Variants in ERG observed in about 807,000 individuals in gnomAD.
ERG encodes ETS transcription factor ERG.
ERG carries 9 observed loss-of-function variants against 55.3 expected under a neutral mutation model. The ratio of observed to expected loss-of-function variants is 0.16; its 90% CI spans 0.10 to 0.28. ERG has a LOEUF of 0.28. Ranked by LOEUF, ERG falls within the 10% of genes least tolerant of loss-of-function variation. The pLI is 1.00. For missense variants in ERG, 434 were observed against 631.6 expected (o/e 0.69, Z 3.35); for synonymous variants, 223 against 237.3 (o/e 0.94, Z 0.55).
upstream of ERG, chr21:38,502,434 C>T (rs969448538): frequency 3.2e-5 from 5 of 156,596 alleles, no homozygotes; most frequent in African/African-American, 4.8e-5. Flanking sequence ...CTAACCTTCC[C>T]GAGTTGAAAA....
intron 1 of ERG, among the ~76,000 whole-genome samples, chr21:38,490,218 A>G (rs1211984853): frequency 1.3e-5 from 2 of 152,258 alleles, no homozygotes; most frequent in African/African-American, 4.8e-5. Flanking sequence ...GCTAATTGAA[A>G]ACAAAATTCA....
intron 1 of ERG, among the ~76,000 whole-genome samples, chr21:38,652,663 G>A (rs1042967340): frequency 3.9e-5 from 6 of 152,154 alleles, no homozygotes; most frequent in African/African-American, 1.4e-4. Flanking sequence ...GGCTAAAAAT[G>A]AAATCCTCCA....
At chr21:38,445,323 G>T in intron 2 of ERG, 81 bp downstream of exon 2, 2 of 1,089,184 alleles carry the variant, frequency 1.8e-6, no homozygotes, top group Non-Finnish European at 2.7e-6. Flanking sequence ...CTTTAGAGAA[G>T]CATGACTGAC....
the ERG span, among the ~76,000 whole-genome samples, chr21:38,369,827 T>C: frequency 6.6e-6 from 1 of 152,220 alleles, no homozygotes; most frequent in East Asian, 1.9e-4. Context: ...AGTTTCAATA[T>C]TCTGCATATG....
In ERG at chr21:38,607,753, TAA is replaced by T. The variant is rs1475891214; in HGVS notation, c.-149-22810_-149-22809del. Among the ~76,000 whole-genome samples, 3 of 152,178 alleles carry T rather than the reference TAA, an allele frequency of 2.0e-5. No individual in the cohort carries two copies. The East Asian group carries it at 5.8e-4, about 29-fold the overall frequency. Reference sequence around the variant, plus strand: ...AAATCAAGATAAGCATTGATACAATTAAAGAGATAATAGTAATGATTAACTTT... The same window carrying T: ...AAATCAAGATAAGCATTGATACAATTAGAGATAATAGTAATGATTAACTTT... On this transcript the variant is annotated intron_variant, in intron 1 of 10. Coordinates refer to the ERG transcript ENST00000398910.
intron 1 of ERG, among the ~76,000 whole-genome samples, chr21:38,448,499 T>C (rs1372793389): frequency 6.6e-6 from 1 of 152,156 alleles, no homozygotes; most frequent in African/African-American, 2.4e-5. Flanking sequence ...CCCCAAAGAC[T>C]TTGTTGATTG....
intron 1 of ERG, among the ~76,000 whole-genome samples, chr21:38,454,302 T>C (rs1045247851): frequency 6.6e-6 from 1 of 152,178 alleles, no homozygotes; most frequent in Non-Finnish European, 1.5e-5. Flanking sequence ...GATCTGAAGA[T>C]GGAAGATGTG....
In ERG at chr21:38,573,260, G is replaced by A. The variant is rs575461615; in HGVS notation, c.-41+2402C>T. Reference sequence around the variant, plus strand: ...ATGTGATAGTCTGAAATATGGCCTCGTGGGATGAGAAAGACCTGACTGTCC... The same window carrying A: ...ATGTGATAGTCTGAAATATGGCCTCATGGGATGAGAAAGACCTGACTGTCC... On this transcript the variant is annotated intron_variant, in intron 2 of 8. Transcript: ENST00000398897. Among the ~76,000 whole-genome samples the A allele has an allele frequency of 2.9e-3, 438 of 152,326 alleles. 2 individuals are homozygous for A. The highest frequency in any genetic ancestry group is 0.01 in the African/African-American group (416 of 41,588).
rs2059207850 is a variant in ERG, at chr21:38,478,297, C to G, written c.18+20066G>C. On this transcript the variant is annotated intron_variant, in intron 1 of 9. Coordinates refer to ENST00000288319, the MANE Select transcript of ERG (RefSeq NM_182918.4). ...TGTTCCTTTTCCTGCCTTTGTAAGACTAAGAAAATCCTTACTGTACAGAGA... is the reference window on the plus strand; with the variant it reads ...TGTTCCTTTTCCTGCCTTTGTAAGAGTAAGAAAATCCTTACTGTACAGAGA... 2.6e-5 allele frequency among the ~76,000 whole-genome samples: 4 copies of G among 152,202 alleles called. No individual in the cohort carries two copies. In the South Asian group the frequency reaches 8.3e-4, roughly 31 times the overall value.
intron 1 of ERG, among the ~76,000 whole-genome samples, chr21:38,632,848 T>TA (rs200904293): frequency 0.011 from 1,660 of 152,242 alleles, 26 homozygotes; most frequent in African/African-American, 0.036. Flanking sequence ...CCTCAAAAAT[T>TA]AAAACCAGAA....
chr21:38,450,337 G>A (rs1446407529), intron 1 of ERG, among the ~76,000 whole-genome samples: 7 of 151,890 alleles, frequency 4.6e-5, no homozygotes, highest in Non-Finnish European at 8.8e-5. Context: ...GGGATCACGC[G>A]ACTGCACTCC....
chr21:38,420,588 C>T (rs1174779665), intron 3 of ERG, among the ~76,000 whole-genome samples: 2 of 152,172 alleles, frequency 1.3e-5, no homozygotes, highest in Non-Finnish European at 2.9e-5. Context: ...ATTTGATGAG[C>T]AGCTACTATG....
chr21:38,453,700 T>C (rs1329238865), intron 1 of ERG, among the ~76,000 whole-genome samples: 1 of 151,972 alleles, frequency 6.6e-6, no homozygotes, highest in Admixed American at 6.6e-5. Flanking sequence ...CTGGCCAACA[T>C]GATGAAACCC....
chr21:38,577,718 C>T lies in ERG; in HGVS notation c.-126-1971G>A, dbSNP rs77117098. 7.5e-3 allele frequency among the ~76,000 whole-genome samples: 1,139 copies of T among 152,298 alleles called. 17 individuals are homozygous for T. The highest frequency in any genetic ancestry group is 0.026 in the African/African-American group (1,077 of 41,550). ...GGGGTCATTCAGCCCGGAAGGGGAG[C>T]GTCTGCAAGCCATCCTCACAAAGGG... On this transcript the variant is annotated intron_variant, in intron 1 of 8. Transcript: ENST00000398897.
intron 6 of ERG, among the ~76,000 whole-genome samples, chr21:38,398,150 T>C (rs540444429): frequency 3.7e-4 from 57 of 152,164 alleles, no homozygotes; most frequent in Non-Finnish European, 3.4e-4. Flanking sequence ...GTGACCTCCC[T>C]CTGGAGCTCG....
intron 1 of ERG, 50 bp from the exon 2 acceptor site, chr21:38,445,671 T>C: frequency 6.6e-7 from 1 of 1,517,892 alleles, no homozygotes; most frequent in Non-Finnish European, 9.1e-7. Flanking sequence ...CAGACAGTCA[T>C]GTTTCAAAAA....
chr21:38,468,926 A>C lies in ERG; in HGVS notation c.19-23305T>G, dbSNP rs193202111. The stretch of plus-strand genomic sequence containing the variant: ...CGTGAACCCGGGAGGCGGAGCTTGC[A>C]GTGAACCAAGATCGCGCCACTGCAC... On this transcript the variant is annotated intron_variant, in intron 1 of 9. Transcript: ENST00000288319. Among the ~76,000 whole-genome samples, 1,385 of 147,718 alleles carry C rather than the reference A, an allele frequency of 9.4e-3. 11 individuals are homozygous for C. Among genetic ancestry groups the C allele is most frequent in the Non-Finnish European group, 0.015 (1,012 of 67,374 alleles).
chr21:38,614,192 T>C (rs1170660320), intron 1 of ERG, among the ~76,000 whole-genome samples: 1 of 152,148 alleles, frequency 6.6e-6, no homozygotes, highest in Non-Finnish European at 1.5e-5. Flanking sequence ...AACTTATATG[T>C]AGGAGAAACA....
chr21:38,613,036 G>T (rs34190239), intron 1 of ERG, among the ~76,000 whole-genome samples: 1 of 152,068 alleles, frequency 6.6e-6, no homozygotes, highest in Non-Finnish European at 1.5e-5. Context: ...ACTAACAGGC[G>T]GGGCCCATTG....
Sources: allele counts gnomAD v4.1 joint callset (sites outside exome capture counted in the v4.1 genomes callset), GRCh38; gene constraint gnomAD v4.1.1; transcripts MANE v1.5; gene names NCBI Gene and HGNC (gene_info 2026-07-23, HGNC 2026-07-21).